CAPN13: variants seen among roughly 807,000 people sequenced by gnomAD.
The protein encoded by CAPN13 is calpain-13.
CAPN13 carries 90 observed loss-of-function variants against 98.4 expected under a neutral mutation model. The observed-to-expected ratio is 0.92, with a 90% CI of 0.77 to 1.09. The LOEUF (loss-of-function observed/expected upper bound fraction) is 1.09, where lower values mean the gene tolerates loss of function less well. Ranked by LOEUF, CAPN13 falls within the 50% of genes least tolerant of loss-of-function variation. The pLI, the probability that CAPN13 is intolerant of heterozygous loss-of-function variation, is 0.00. For synonymous variants in CAPN13, 330 were observed against 305.5 expected (o/e 1.08, Z -0.84); for missense variants, 887 against 841.3 (o/e 1.05, Z -0.67).
At chr2:30,736,442 C>A in intron 18 of CAPN13, 61 bp downstream of exon 18, 1 of 1,521,620 alleles carries the variant, frequency 6.6e-7, no homozygotes, top group East Asian at 2.3e-5. Flanking sequence ...GGTTAGACAC[C>A]CAGTAAATCC....
At position 30,775,944 on chromosome 2, in the gene CAPN13, T is replaced by C; in HGVS notation, c.373A>G (p.Ile125Val). The C allele has an allele frequency of 1.2e-6, 2 of 1,609,172 alleles. No individual in the cohort carries two copies. The highest frequency in any genetic ancestry group is 1.7e-6 in the Non-Finnish European group (2 of 1,177,406). The change falls in exon 4 of 23, where the codon ATT becomes GTT. Residue 125 changes from isoleucine (I) to valine (V), a missense_variant. Physicochemically the swap from Ile to Val is conservative, Grantham distance 29. Coordinates refer to ENST00000295055, the MANE Select transcript of CAPN13 (RefSeq NM_144575.3). ...VQSFSHQYAGIFRFRFWQCGQ... is the reference protein window; with the variant it reads ...VQSFSHQYAGVFRFRFWQCGQ... ...GGCACACGTACCCGGAAACGGAAAATGCCAGCATACTGGTGTGAAAAGCTT... is the reference window on the plus strand; with the variant it reads ...GGCACACGTACCCGGAAACGGAAAACGCCAGCATACTGGTGTGAAAAGCTT...
At chr2:30,763,741 G>C (rs545996792) in intron 6 of CAPN13, among the ~76,000 whole-genome samples, 1 of 152,210 alleles carries the variant, frequency 6.6e-6, no homozygotes, top group East Asian at 1.9e-4. Flanking sequence ...GGGGGGCTCC[G>C]TGTAAACTTA....
intron 12 of CAPN13, chr2:30,745,380 C>G: frequency 1.9e-6 from 1 of 516,956 alleles, no homozygotes; most frequent in Middle Eastern, 3.0e-4. Context: ...CTTTAGGAGG[C>G]TAAAGATCTT....
At chr2:30,770,530 G>T in intron 4 of CAPN13, 81 bp from the exon 5 acceptor site, 1 of 1,529,514 alleles carries the variant, frequency 6.5e-7, no homozygotes, top group Non-Finnish European at 8.9e-7. Flanking sequence ...GCCAAAAGTT[G>T]CAACATGACC....
intron 15 of CAPN13, among the ~76,000 whole-genome samples, chr2:30,741,002 A>G (rs1307103671): frequency 1.3e-5 from 2 of 152,152 alleles, no homozygotes; most frequent in South Asian, 2.1e-4. Flanking sequence ...GAATGCATAT[A>G]ATATCATCCC....
intron 12 of CAPN13, among the ~76,000 whole-genome samples, chr2:30,744,037 C>T (rs1054543090): frequency 1.3e-5 from 2 of 152,158 alleles, no homozygotes; most frequent in African/African-American, 4.8e-5. Flanking sequence ...AGTGAAGCCC[C>T]GAGATTCCTT....
At position 30,731,330 on chromosome 2, in the gene CAPN13, G is replaced by T. The variant is rs1235419970; in HGVS notation, c.1983+14C>A. The T allele has an allele frequency of 3.1e-6, 5 of 1,605,866 alleles. No homozygotes were observed. The African/African-American group carries it at 5.4e-5, about 17-fold the overall frequency. On this transcript the variant is annotated intron_variant, in intron 21 of 22. Coordinates refer to ENST00000295055, the MANE Select transcript of CAPN13 (RefSeq NM_144575.3). ...TGGGACTGTGCCTGCCCCGGGGAGG[G>T]GAAGGTACCTCACCTCCATTTCTGT...
At chr2:30,752,141 G>A (rs1672203494) in intron 10 of CAPN13, among the ~76,000 whole-genome samples, 1 of 152,150 alleles carries the variant, frequency 6.6e-6, no homozygotes, top group African/African-American at 2.4e-5. Flanking sequence ...AAGGCTCTCT[G>A]GGCAGAAGTT....
intron 7 of CAPN13, among the ~76,000 whole-genome samples, chr2:30,758,667 C>A (rs1167174472): frequency 2.0e-5 from 3 of 152,160 alleles, no homozygotes; most frequent in African/African-American, 7.2e-5. Context: ...ATAGCCAAGG[C>A]TAGCCCTCCT....
chr2:30,799,357 C>G (rs1572889590), intron 1 of CAPN13, among the ~76,000 whole-genome samples: 1 of 152,332 alleles, frequency 6.6e-6, no homozygotes, highest in South Asian at 2.1e-4. Flanking sequence ...AACCGCCAGA[C>G]CAGTGCTGTC....
intron 1 of CAPN13, among the ~76,000 whole-genome samples, chr2:30,803,183 G>GA: frequency 6.6e-6 from 1 of 152,356 alleles, no homozygotes; most frequent in Non-Finnish European, 1.5e-5. Context: ...AGAGTGGGGA[G>GA]AAAAGAGAAT....
chr2:30,769,118 C>T (rs1170441787), intron 5 of CAPN13, among the ~76,000 whole-genome samples: 5 of 152,324 alleles, frequency 3.3e-5, no homozygotes, highest in East Asian at 1.9e-4. Flanking sequence ...CTGACTGCTG[C>T]GTGGCTCTCC....
In CAPN13 at chr2:30,753,063, T is replaced by G; in HGVS notation, c.1077A>C (p.Gly359=). The G allele has an allele frequency of 6.2e-7, 1 of 1,613,952 alleles. No homozygotes were observed. The highest frequency in any genetic ancestry group is 8.5e-7 in the Non-Finnish European group (1 of 1,179,846). ...CAGCGTCATGATTACCTGCAGTGTT[T>G]CCTAGAATCACTTGCTTCCTAAACA... ...QIMFRKQVIL[G]NTAGGPRNDA... The change falls in exon 10 of 23, where the codon GGA becomes GGC. Residue 359 remains glycine, a synonymous_variant. Transcript: ENST00000295055.
At chr2:30,757,276 C>G (rs1672501325) in intron 8 of CAPN13, among the ~76,000 whole-genome samples, 1 of 152,244 alleles carries the variant, frequency 6.6e-6, no homozygotes, top group African/African-American at 2.4e-5. Context: ...TCTGTCCTCT[C>G]AGGACTACTG....
intron 1 of CAPN13, among the ~76,000 whole-genome samples, chr2:30,792,658 G>A (rs1425364413): frequency 1.3e-5 from 2 of 151,882 alleles, no homozygotes; most frequent in Non-Finnish European, 2.9e-5. Flanking sequence ...AATCTTACGT[G>A]AACTTCCTCA....
At chr2:30,745,894 ATTTTTTTTTTTT>A (rs57880021) in intron 11 of CAPN13, among the ~76,000 whole-genome samples, 160 bp from the exon 12 acceptor site, 1 of 92,790 alleles carries the variant, frequency 1.1e-5, no homozygotes, top group South Asian at 3.9e-4. Flanking sequence ...GCCATAAAGC[ATTTTTTTTTTTT>A]TTTTTTTTTT....
At chr2:30,806,002 ACTC>A (rs1675601861) in intron 1 of CAPN13, among the ~76,000 whole-genome samples, 1 of 151,486 alleles carries the variant, frequency 6.6e-6, no homozygotes, top group Non-Finnish European at 1.5e-5. Flanking sequence ...CTGGTCTTGA[ACTC>A]CTGGGATCAA....
In CAPN13 at chr2:30,777,648, A is replaced by C; in HGVS notation, c.199-9T>G. 1 of 1,560,494 alleles carries C rather than the reference A, an allele frequency of 6.4e-7. No individual in the cohort carries two copies. On this transcript the variant is annotated splice_polypyrimidine_tract_variant and intron_variant, in intron 2 of 22. Transcript: ENST00000295055. ...GGACCCCCTGGTAGATCCTTTAGGA[A>C]AGAGGGAGAAAAGCTATGAACATCG...
intron 1 of CAPN13, among the ~76,000 whole-genome samples, chr2:30,802,253 C>T (rs933017172): frequency 4.6e-5 from 7 of 152,038 alleles, no homozygotes; most frequent in Admixed American, 3.3e-4. Context: ...TGACCAGGTG[C>T]TCGGAGACAC....
Sources: allele counts gnomAD v4.1 joint callset (sites outside exome capture counted in the v4.1 genomes callset), GRCh38; gene constraint gnomAD v4.1.1; transcripts MANE v1.5; gene names NCBI Gene and HGNC (gene_info 2026-07-23, HGNC 2026-07-21).